Variants in PIGL observed in about 807,000 individuals in gnomAD.
PIGL encodes the protein N-acetylglucosaminyl-phosphatidylinositol de-N-acetylase.
A neutral mutation model predicts 31.1 loss-of-function variants in PIGL; 22 were observed. The ratio of observed to expected loss-of-function variants is 0.71; its 90% CI spans 0.51 to 1.01. The LOEUF is 1.01. Ranked by LOEUF, PIGL falls within the 50% of genes least tolerant of loss-of-function variation. PIGL has a pLI of 0.00. For synonymous variants in PIGL, 131 were observed against 117.4 expected (o/e 1.12, Z -0.75); for missense variants, 302 against 315.9 (o/e 0.96, Z 0.33).
intron 1 of PIGL, among the ~76,000 whole-genome samples, chr17:16,224,194 C>T (rs536177707): frequency 5.5e-4 from 84 of 152,066 alleles, no homozygotes; most frequent in African/African-American, 2.0e-3. Flanking sequence ...CAGCCTCTTG[C>T]TCTTGCGACA....
At chr17:16,225,371 G>A (rs1448975758) in intron 1 of PIGL, among the ~76,000 whole-genome samples, 1 of 144,042 alleles carries the variant, frequency 6.9e-6, no homozygotes, top group Non-Finnish European at 1.5e-5. Flanking sequence ...TTTTTTAAAT[G>A]TAAGCACGTT....
intron 2 of PIGL, among the ~76,000 whole-genome samples, chr17:16,260,656 C>T (rs768637717): frequency 2.6e-5 from 4 of 152,098 alleles, no homozygotes; most frequent in Non-Finnish European, 5.9e-5. Context: ...GCTGGATACT[C>T]GTTGGGATGA....
rs190638068 is a variant in PIGL at position 16,245,315 on chromosome 17, C to T, written c.335+11245C>T. Reference sequence around the variant, plus strand: ...TAAATTTTTGTATTTTTAGTAGAGACGGGATTTTGCCGTGTTGGCCAGGCT... The same window carrying T: ...TAAATTTTTGTATTTTTAGTAGAGATGGGATTTTGCCGTGTTGGCCAGGCT... On this transcript the variant is annotated intron_variant, in intron 2 of 6. Transcript: ENST00000225609. Among the ~76,000 whole-genome samples, 312 of 151,690 alleles carry T rather than the reference C, an allele frequency of 2.1e-3. 3 individuals are homozygous for T. Among genetic ancestry groups the T allele is most frequent in the Non-Finnish European group, 1.8e-3 (120 of 67,916 alleles).
At chr17:16,251,534 G>C (rs1161381663) in intron 2 of PIGL, among the ~76,000 whole-genome samples, 1 of 151,756 alleles carries the variant, frequency 6.6e-6, no homozygotes, top group Non-Finnish European at 1.5e-5. Context: ...CATTTAGCCA[G>C]AGGAGCTCAC....
chr17:16,297,353 C>T (rs2142830556), intron 2 of PIGL, among the ~76,000 whole-genome samples: 1 of 152,306 alleles, frequency 6.6e-6, no homozygotes, highest in Non-Finnish European at 1.5e-5. Context: ...TGGAAGGCAG[C>T]CATGAACTTC....
At chr17:16,325,465 A>T (rs987969824) in intron 6 of PIGL, among the ~76,000 whole-genome samples, 8 of 151,988 alleles carry the variant, frequency 5.3e-5, no homozygotes, top group Admixed American at 4.6e-4. Flanking sequence ...TTTATTTTTT[A>T]AAAAACAGTA....
At chr17:16,232,712 G>A (rs2092683889) in intron 1 of PIGL, among the ~76,000 whole-genome samples, 1 of 151,744 alleles carries the variant, frequency 6.6e-6, no homozygotes, top group Admixed American at 6.6e-5. Flanking sequence ...AAATGGGAGA[G>A]GGTATGTGTA....
chr17:16,314,028 G>A (rs186541359), intron 4 of PIGL, among the ~76,000 whole-genome samples: 12 of 152,042 alleles, frequency 7.9e-5, no homozygotes, highest in African/African-American at 1.2e-4. Context: ...TCTCACTTCC[G>A]TCATGTGTTT....
intron 1 of PIGL, 76 bp downstream of exon 1, chr17:16,217,537 T>C (rs1349239783): frequency 8.3e-6 from 10 of 1,204,958 alleles, no homozygotes; most frequent in Non-Finnish European, 1.2e-5. Context: ...TCAGTCGCCT[T>C]CTTCTCGAAG....
intron 1 of PIGL, among the ~76,000 whole-genome samples, chr17:16,228,017 A>T (rs1385847752): frequency 6.6e-6 from 1 of 151,746 alleles, no homozygotes; most frequent in Non-Finnish European, 1.5e-5. Context: ...AAATTGTGGT[A>T]AGACATACAT....
Position 16,313,558 on chromosome 17 carries a change from C to T in PIGL, c.438C>T (p.Phe146=), listed in dbSNP as rs773591135. 20 of 1,613,356 alleles carry T rather than the reference C, an allele frequency of 1.2e-5. No individual in the cohort carries two copies. The highest frequency in any genetic ancestry group is 1.1e-4 in the East Asian group (5 of 44,892). ...EVNGINLVVT[F]DAGGVSGHSN... ...GTGTTTCTCTACAGGTGGTGACTTT[C>T]GATGCAGGGGGAGTAAGTGGCCACA... Residue 146 remains phenylalanine, a synonymous_variant, in exon 4 of 7, where the codon TTC becomes TTT. Transcript: ENST00000225609.
intron 1 of PIGL, among the ~76,000 whole-genome samples, chr17:16,231,232 C>CA (rs2092677830): frequency 7.9e-6 from 1 of 126,510 alleles, no homozygotes. Flanking sequence ...ATTTTCTTTT[C>CA]TTTTTTTTTT....
intron 2 of PIGL, among the ~76,000 whole-genome samples, chr17:16,243,646 G>A (rs1267912504): frequency 2.6e-5 from 4 of 152,152 alleles, no homozygotes; most frequent in South Asian, 2.1e-4. Flanking sequence ...TTCTTCCTCC[G>A]TAAACCTCGA....
chr17:16,280,690 C>T (rs557749237), intron 2 of PIGL, among the ~76,000 whole-genome samples: 3 of 151,934 alleles, frequency 2.0e-5, no homozygotes, highest in Non-Finnish European at 4.4e-5. Context: ...TTAGGGTTCA[C>T]TCAGTGTTTT....
intron 2 of PIGL, among the ~76,000 whole-genome samples, chr17:16,234,709 G>A (rs944379167): frequency 6.6e-6 from 1 of 152,178 alleles, no homozygotes; most frequent in African/African-American, 2.4e-5. Context: ...AGGTTGCAGT[G>A]AGCCAAGATC....
At chr17:16,226,859 A>T (rs1409154779) in intron 1 of PIGL, among the ~76,000 whole-genome samples, 1 of 152,134 alleles carries the variant, frequency 6.6e-6, no homozygotes, top group African/African-American at 2.4e-5. Context: ...GCCACCAAGG[A>T]TATGTAGATG....
intron 2 of PIGL, among the ~76,000 whole-genome samples, chr17:16,260,993 C>T (rs139403308): frequency 0.023 from 3,424 of 152,094 alleles, 66 homozygotes; most frequent in Non-Finnish European, 0.036. Flanking sequence ...GTGGCACATG[C>T]CTGTAATCTC....
At chr17:16,271,216 T>G (rs112610639) in intron 2 of PIGL, among the ~76,000 whole-genome samples, 7,437 of 152,280 alleles carry the variant, frequency 0.049, 626 homozygotes, top group African/African-American at 0.17. Context: ...CTCAAAAATA[T>G]AATTAGGAAT....
intron 1 of PIGL, among the ~76,000 whole-genome samples, chr17:16,223,282 A>G (rs1280997059): frequency 1.3e-5 from 2 of 152,176 alleles, no homozygotes; most frequent in African/African-American, 4.8e-5. Flanking sequence ...TTTGTGTTTT[A>G]GAAAGCTCAT....
Sources: allele counts gnomAD v4.1 joint callset (sites outside exome capture counted in the v4.1 genomes callset), GRCh38; gene constraint gnomAD v4.1.1; transcripts MANE v1.5; gene names NCBI Gene and HGNC (gene_info 2026-07-23, HGNC 2026-07-21).